The following PCDHGA7 variants were observed in gnomAD, a reference collection of about 807,000 sequenced individuals.
The protein encoded by PCDHGA7 is protocadherin gamma subfamily A, 7, also known as protocadherin gamma-A7.
In PCDHGA7, 44 loss-of-function variants were observed where a neutral mutation model predicts 58.3. That is an observed-to-expected ratio of 0.75 (90% CI 0.59 to 0.97). The LOEUF (loss-of-function observed/expected upper bound fraction) is 0.97. PCDHGA7 is among the 50% of genes least tolerant of loss of function. The pLI, the probability that PCDHGA7 is intolerant of heterozygous loss-of-function variation, is 0.00. For synonymous variants in PCDHGA7, 516 were observed against 504.2 expected (o/e 1.02, Z -0.31); for missense variants, 1,266 against 1,188.7 (o/e 1.06, Z -0.96).
intron 1 of PCDHGA7, chr5:141,421,405 C>T (rs2096570069): frequency 6.2e-7 from 1 of 1,614,074 alleles, no homozygotes; most frequent in African/African-American, 1.3e-5. Context: ...GCCCCGGGAG[C>T]TGGCGAAGCG....
intron 1 of PCDHGA7, chr5:141,392,764 C>T (rs1589161528): frequency 1.4e-6 from 2 of 1,480,722 alleles, no homozygotes; most frequent in South Asian, 2.8e-5. Context: ...CTAAATAAGA[C>T]CCATTTATGC....
chr5:141,397,965 C>G (rs2093591451), intron 1 of PCDHGA7: 3 of 1,077,486 alleles, frequency 2.8e-6, no homozygotes, highest in South Asian at 1.7e-5. Context: ...AGCTCAGACT[C>G]CCCAGCGCCG....
At chr5:141,427,416 G>T (rs1457696807) in intron 1 of PCDHGA7, 2 of 466,124 alleles carry the variant, frequency 4.3e-6, no homozygotes, top group South Asian at 3.1e-5. Flanking sequence ...GAGAGAAAAT[G>T]GGGAGGTTAC....
In PCDHGA7 at chr5:141,399,774, C is replaced by T. The variant is rs758550367; in HGVS notation, c.2424+14451C>T. The T allele has an allele frequency of 1.5e-5, 24 of 1,613,116 alleles. No homozygotes were observed. In the South Asian group the frequency reaches 2.4e-4, roughly 16 times the overall value. On this transcript the variant is annotated intron_variant, in intron 1 of 3. Transcript: ENST00000518325. Reference sequence around the variant, plus strand: ...ACGTGAGCCTGCGCGTGTTGGTGGGCGACCGAAACGACAACGCACCGCGGG... The same window carrying T: ...ACGTGAGCCTGCGCGTGTTGGTGGGTGACCGAAACGACAACGCACCGCGGG...
chr5:141,398,704 G>A (rs1044524998), intron 1 of PCDHGA7: 9 of 1,613,808 alleles, frequency 5.6e-6, no homozygotes, highest in Non-Finnish European at 7.6e-6. Flanking sequence ...TAAATACCCG[G>A]AACTGGCACT....
chr5:141,404,300 C>T (rs749132060), intron 1 of PCDHGA7: 3 of 1,613,862 alleles, frequency 1.9e-6, no homozygotes, highest in South Asian at 2.2e-5. Flanking sequence ...TGATAATCCA[C>T]CTGCTTTCTC....
chr5:141,399,198 G>T (rs1370289172), intron 1 of PCDHGA7: 1 of 1,613,816 alleles, frequency 6.2e-7, no homozygotes, highest in African/African-American at 1.3e-5. Context: ...AAAACGCGGT[G>T]CCTGGAACAC....
chr5:141,470,490 A>C (rs1193023083), intron 1 of PCDHGA7, among the ~76,000 whole-genome samples: 1 of 152,202 alleles, frequency 6.6e-6, no homozygotes, highest in African/African-American at 2.4e-5. Context: ...TCTGGGAATA[A>C]TATTAGGTAA....
chr5:141,415,355 G>A (rs1200011688), intron 1 of PCDHGA7: 2 of 1,614,210 alleles, frequency 1.2e-6, no homozygotes, highest in Non-Finnish European at 1.7e-6. Context: ...CACAAGTCAC[G>A]CCTGCTGCAG....
At chr5:141,421,675 G>A in intron 1 of PCDHGA7, 2 of 1,613,910 alleles carry the variant, frequency 1.2e-6, no homozygotes, top group Non-Finnish European at 1.7e-6. Context: ...CGCAATTCCT[G>A]GGGCGCGATT....
At chr5:141,498,073 T>C (rs1474889879) in intron 2 of PCDHGA7, among the ~76,000 whole-genome samples, 1 of 152,214 alleles carries the variant, frequency 6.6e-6, no homozygotes, top group Non-Finnish European at 1.5e-5. Context: ...CTGTCATAAG[T>C]GCTAGGTAGA....
chr5:141,431,932 CT>C lies in PCDHGA7; in HGVS notation c.2424+46612del, dbSNP rs748715936. ...TCTGTTTCATCCAAGGAAATCTGCC[CT>C]TTAAATTAGAAAAATCTTACGGAAA... On this transcript the variant is annotated intron_variant, in intron 1 of 3. Transcript: ENST00000518325. The surrounding 1 kb of genome is among the most constrained non-coding windows in gnomAD (Gnocchi z 4.8). The C allele has an allele frequency of 6.2e-7, 1 of 1,614,172 alleles. No individual in the cohort carries two copies. Among genetic ancestry groups the C allele is most frequent in the Non-Finnish European group, 8.5e-7 (1 of 1,180,002 alleles).
At chr5:141,419,192 G>C (rs772847766) in intron 1 of PCDHGA7, 2 of 1,613,934 alleles carry the variant, frequency 1.2e-6, no homozygotes, top group Admixed American at 1.7e-5. Context: ...CATTACTGAC[G>C]TCAATGACAA....
At chr5:141,500,223 T>TATTG (rs1554186512) in intron 2 of PCDHGA7, among the ~76,000 whole-genome samples, 5 of 145,410 alleles carry the variant, frequency 3.4e-5, no homozygotes, top group African/African-American at 5.2e-5. Context: ...TTTATTTATT[T>TATTG]ATTGATACGT....
At chr5:141,403,758 T>C (rs1022850868) in intron 1 of PCDHGA7, 18 of 1,613,804 alleles carry the variant, frequency 1.1e-5, no homozygotes, top group Non-Finnish European at 1.4e-5. Flanking sequence ...GCCAGCGACC[T>C]GGATGAGGGA....
intron 1 of PCDHGA7, chr5:141,402,858 G>A: frequency 1.4e-6 from 2 of 1,427,466 alleles, no homozygotes; most frequent in Admixed American, 2.9e-5. Context: ...TTTCTTCTAA[G>A]GAAAAGATCA....
intron 1 of PCDHGA7, among the ~76,000 whole-genome samples, chr5:141,446,824 A>T (rs973108119): frequency 1.3e-5 from 2 of 152,156 alleles, no homozygotes; most frequent in African/African-American, 4.8e-5. Flanking sequence ...AGATGGGTAG[A>T]TCCTTATAAG....
chr5:141,398,708 T>A, intron 1 of PCDHGA7: 2 of 1,613,886 alleles, frequency 1.2e-6, no homozygotes, highest in Non-Finnish European at 1.7e-6. Context: ...TACCCGGAAC[T>A]GGCACTGGAG....
At chr5:141,502,169 G>A (rs1366413076) in intron 2 of PCDHGA7, among the ~76,000 whole-genome samples, 1 of 152,110 alleles carries the variant, frequency 6.6e-6, no homozygotes, top group African/African-American at 2.4e-5. Flanking sequence ...ATTCAGTTGA[G>A]GAATTTAACA....
Sources: allele counts gnomAD v4.1 joint callset (sites outside exome capture counted in the v4.1 genomes callset), GRCh38; gene constraint gnomAD v4.1.1; non-coding constraint Gnocchi (gnomAD v3.1); transcripts MANE v1.5; gene names NCBI Gene and HGNC (gene_info 2026-07-23, HGNC 2026-07-21).